The following TTLL12 variants were observed in gnomAD, a reference collection of about 807,000 sequenced individuals.
TTLL12 encodes tubulin--tyrosine ligase-like protein 12.
In TTLL12, 77 loss-of-function variants were observed where a neutral mutation model predicts 79.6. The observed-to-expected ratio is 0.97, with a 90% CI of 0.81 to 1.17. The LOEUF is 1.17. TTLL12 is among the 50% of genes most tolerant of loss of function. The probability of loss-of-function intolerance (pLI) is 0.00; values close to 1 mark genes in which losing one functional copy is unlikely to be tolerated. For missense variants in TTLL12, 969 were observed against 895.9 expected, an observed-to-expected ratio of 1.08 and a Z score of -1.04; for synonymous variants, 437 against 376.1, an observed-to-expected ratio of 1.16 and a Z score of -1.87.
rs375627010 is a variant in TTLL12, at chr22:43,176,257, G to A, written c.917+63C>T. The A allele has an allele frequency of 6.8e-4, 855 of 1,256,058 alleles. 2 individuals carry two copies. Among genetic ancestry groups the A allele is most frequent in the Non-Finnish European group, 8.2e-4 (713 of 873,626 alleles). The allele number at this position is 1,256,058 out of a possible 1,614,324, so 77.8% of individuals were successfully genotyped here. ...ACTGTTCTGGGGCTGTGGGAACCAC[G>A]AAGCATGGGAGGCGGGGACTGCGGA... On this transcript the variant is annotated intron_variant, in intron 6 of 13. Coordinates refer to ENST00000216129, the MANE Select transcript of TTLL12 (RefSeq NM_015140.4).
At position 43,167,902 on chromosome 22, in the gene TTLL12, T is replaced by A; in HGVS notation, c.*106A>T. ...GGACAGAGGCCTGGGGCTGAGGCTATGCCCAGGGCCGGTGTGGGGAGGGAC... is the reference window on the plus strand; with the variant it reads ...GGACAGAGGCCTGGGGCTGAGGCTAAGCCCAGGGCCGGTGTGGGGAGGGAC... On this transcript the variant is annotated 3_prime_UTR_variant, in exon 14 of 14. Transcript: ENST00000216129. 7.0e-7 allele frequency: 1 copy of A among 1,422,730 alleles called. No homozygotes were observed. Among genetic ancestry groups the A allele is most frequent in the Non-Finnish European group, 9.6e-7 (1 of 1,041,484 alleles). 88.1% of individuals were successfully genotyped at this position (1,422,730 alleles called of 1,614,324 possible).
chr22:43,183,011 C>T lies in TTLL12; in HGVS notation c.316G>A (p.Glu106Lys), dbSNP rs1932096596. 1.2e-6 allele frequency: 2 copies of T among 1,613,812 alleles called. No homozygotes were observed. Among genetic ancestry groups the T allele is most frequent in the Admixed American group, 1.7e-5 (1 of 59,990 alleles). Residue 106 changes from glutamate (E) to lysine (K), a missense_variant, in exon 2 of 14, where the codon GAG becomes AAG. Transcript: ENST00000216129. ...GGGTGGGCTGCCTGGAGCCCGCTCT[C>T]CCTGGTCACGATGACCTTGTAGCAC... ...ELCYKVIVTR[E>K]SGLQAAHPNS...
chr22:43,181,827 T>G (rs1224946139), intron 2 of TTLL12, among the ~76,000 whole-genome samples: 2 of 152,100 alleles, frequency 1.3e-5, no homozygotes, highest in Non-Finnish European at 2.9e-5. Flanking sequence ...CTAAAATAAG[T>G]GGGTTTACTC....
chr22:43,173,811 G>C lies in TTLL12; in HGVS notation c.1245C>G (p.His415Gln). 3.1e-6 allele frequency: 5 copies of C among 1,604,122 alleles called. No individual in the cohort carries two copies. Among genetic ancestry groups the C allele is most frequent in the Non-Finnish European group, 4.2e-6 (5 of 1,179,898 alleles). Residue 415 changes from histidine (H) to glutamine (Q), a missense_variant, in exon 9 of 14, where the codon CAC becomes CAG. His to Gln is a conservative substitution (Grantham distance 24). Coordinates refer to ENST00000216129, the MANE Select transcript of TTLL12 (RefSeq NM_015140.4). ...CCAGGTTCCAGGGCTTGCAGATCCAGTGGTTGTCCTCGCCCCTGGGGAGCA... is the reference window on the plus strand; with the variant it reads ...CCAGGTTCCAGGGCTTGCAGATCCACTGGTTGTCCTCGCCCCTGGGGAGCA... ...QQRERWGEDN[H>Q]WICKPWNLAR...
At position 43,181,066 on chromosome 22, in the gene TTLL12, T is replaced by A. The variant is rs1932045466; in HGVS notation, c.348-126A>T. On this transcript the variant is annotated intron_variant, in intron 2 of 13. Transcript: ENST00000216129. ...GCTTCCTTAGATTTGGTCTACTGGG[T>A]GCCATAGTTATGCCTAGTTTTGGAC... 3 of 1,123,322 alleles carry A rather than the reference T, an allele frequency of 2.7e-6. No homozygotes were observed. The African/African-American group carries it at 4.7e-5, about 18-fold the overall frequency. 69.6% of individuals were successfully genotyped at this position (1,123,322 alleles called of 1,614,324 possible). A position where few individuals can be genotyped will look rare whatever the true frequency, so the allele number is the denominator to read the frequency against.
At chr22:43,184,485 G>A (rs944059522) in intron 1 of TTLL12, among the ~76,000 whole-genome samples, 3 of 152,222 alleles carry the variant, frequency 2.0e-5, no homozygotes, top group African/African-American at 7.2e-5. Flanking sequence ...TAAACATGAG[G>A]CTACGGGGTG....
At chr22:43,172,043 T>C (rs1601768015) in intron 10 of TTLL12, 143 bp from the exon 11 acceptor site, 1 of 726,124 alleles carries the variant, frequency 1.4e-6, no homozygotes, top group Admixed American at 2.2e-5. Context: ...CCTGTTCCCT[T>C]GTCTGTGTGG....
chr22:43,183,353 C>T (rs920557918), intron 1 of TTLL12, among the ~76,000 whole-genome samples: 1 of 152,202 alleles, frequency 6.6e-6, no homozygotes, highest in African/African-American at 2.4e-5. Flanking sequence ...AGGCTCGGAA[C>T]AGGGACCTAA....
chr22:43,186,194 C>T (rs1237863146), intron 1 of TTLL12, among the ~76,000 whole-genome samples: 2 of 147,464 alleles, frequency 1.4e-5, no homozygotes, highest in Non-Finnish European at 3.1e-5. Context: ...AAAACACCCC[C>T]CCCCCCGCCA....
rs1285662112 is a variant in TTLL12, at chr22:43,169,527, G to A, written c.1617C>T (p.Tyr539=). The A allele has an allele frequency of 6.2e-7, 1 of 1,609,060 alleles. No individual in the cohort carries two copies. The highest frequency in any genetic ancestry group is 8.5e-7 in the Non-Finnish European group (1 of 1,176,836). The change falls in exon 12 of 14, where the codon TAC becomes TAT. Residue 539 remains tyrosine, a synonymous_variant. Coordinates refer to ENST00000216129, the MANE Select transcript of TTLL12 (RefSeq NM_015140.4). ...GGACGTCCGTCCAGGGAAATTCTGG[G>A]TATTGCTTCTCAAACTCGGGGATGA... is the stretch of plus-strand genomic sequence containing the variant. The part of the protein sequence containing the change: ...EEFIPEFEKQ[Y]PEFPWTDVQA...
chr22:43,171,795 C>T (rs1212484534), intron 11 of TTLL12, 24 bp downstream of exon 11: 2 of 1,609,890 alleles, frequency 1.2e-6, no homozygotes, highest in African/African-American at 2.7e-5. Context: ...TGTGAACCTG[C>T]TCTGCACCTC....
chr22:43,179,067 T>C (rs1030034263), intron 5 of TTLL12, among the ~76,000 whole-genome samples: 1 of 152,032 alleles, frequency 6.6e-6, no homozygotes, highest in African/African-American at 2.4e-5. Flanking sequence ...CACTGGGGCC[T>C]CGACAACTCC....
chr22:43,182,542 C>T (rs565658072), intron 2 of TTLL12, among the ~76,000 whole-genome samples: 6 of 152,326 alleles, frequency 3.9e-5, no homozygotes, highest in Admixed American at 3.9e-4. Flanking sequence ...CTAACTACAC[C>T]GTGGTCCTTG....
chr22:43,169,455 G>C, intron 12 of TTLL12, 45 bp downstream of exon 12: 3 of 1,518,232 alleles, frequency 2.0e-6, no homozygotes, highest in Non-Finnish European at 2.7e-6. Flanking sequence ...CCCCAGCCCG[G>C]GACCCGCCCC....
At chr22:43,179,526 C>T (rs1361830758) in intron 5 of TTLL12, 93 bp downstream of exon 5, 15 of 1,429,288 alleles carry the variant, frequency 1.0e-5, no homozygotes, top group Non-Finnish European at 1.1e-5. Context: ...GGGCCTGGCA[C>T]CCGGCTGGGG....
chr22:43,172,332 C>T (rs1417814958), intron 10 of TTLL12, 71 bp downstream of exon 10: 1 of 1,577,476 alleles, frequency 6.3e-7, no homozygotes, highest in Non-Finnish European at 8.7e-7. Flanking sequence ...AAAAAGGGCC[C>T]ATCACCCACC....
chr22:43,185,084 T>C (rs1241868729), intron 1 of TTLL12, among the ~76,000 whole-genome samples: 1 of 151,118 alleles, frequency 6.6e-6, no homozygotes, highest in Non-Finnish European at 1.5e-5. Context: ...AAAAATTAGC[T>C]GGGTGTGGTG....
intron 13 of TTLL12, 144 bp downstream of exon 13, chr22:43,168,630 A>G (rs1931679895): frequency 1.6e-6 from 2 of 1,233,444 alleles, no homozygotes; most frequent in Admixed American, 2.1e-5. Flanking sequence ...CTGTGGGCCA[A>G]GCCAGGGCTT....
intron 9 of TTLL12, 50 bp from the exon 10 acceptor site, chr22:43,172,604 G>A: frequency 6.2e-7 from 1 of 1,610,246 alleles, no homozygotes. Flanking sequence ...GAGCCCCCTG[G>A]GGCTCCCGAG....
Sources: allele counts gnomAD v4.1 joint callset (sites outside exome capture counted in the v4.1 genomes callset), GRCh38; gene constraint gnomAD v4.1.1; transcripts MANE v1.5; gene names NCBI Gene and HGNC (gene_info 2026-07-23, HGNC 2026-07-21).